The following ULK4 variants were observed in gnomAD, a reference collection of about 807,000 sequenced individuals.
ULK4 encodes inactive serine/threonine-protein kinase ULK4.
In ULK4, 133 loss-of-function variants were observed where a neutral mutation model predicts 160.6. The observed-to-expected ratio is 0.83, with a 90% CI of 0.72 to 0.96. The LOEUF (loss-of-function observed/expected upper bound fraction) is 0.96, where lower values mean the gene tolerates loss of function less well. ULK4 is among the 40% of genes least tolerant of loss of function. The probability of loss-of-function intolerance (pLI) is 0.00; values close to 1 mark genes in which losing one functional copy is unlikely to be tolerated. For missense variants in ULK4, 1,580 were observed against 1,499.5 expected, an observed-to-expected ratio of 1.05 and a Z score of -0.89; for synonymous variants, 534 against 539.8, an observed-to-expected ratio of 0.99 and a Z score of 0.15.
intron 17 of ULK4, among the ~76,000 whole-genome samples, chr3:41,850,755 G>C (rs571133890): frequency 6.6e-6 from 1 of 152,244 alleles, no homozygotes; most frequent in Non-Finnish European, 1.5e-5. Flanking sequence ...CCATTCTGTA[G>C]GTTGCCTGTT....
chr3:41,961,550 A>ACCC lies in ULK4; in HGVS notation c.-49+463_-49+465dup, dbSNP rs201424516. Among the ~76,000 whole-genome samples the ACCC allele has an allele frequency of 1.9e-3, 241 of 124,436 alleles. 40 individuals carry two copies. The highest frequency in any genetic ancestry group is 9.8e-3 in the African/African-American group (228 of 23,282). The allele number at this position is 124,436 out of a possible 152,430, so 81.6% of individuals were successfully genotyped here. A position where few individuals can be genotyped will look rare whatever the true frequency, so the allele number is the denominator to read the frequency against. On this transcript the variant is annotated intron_variant, in intron 1 of 36. Coordinates refer to ENST00000301831, the MANE Select transcript of ULK4 (RefSeq NM_017886.4). ...ACTCAGGGGCGCTACGTAGTCACTCACCCCCCCCCCCCCCCCCCCCGCTCC... is the reference window on the plus strand; with the variant it reads ...ACTCAGGGGCGCTACGTAGTCACTCACCCCCCCCCCCCCCCCCCCCCCCGCTCC...
At position 41,961,550 on chromosome 3, in the gene ULK4, A is replaced by ACCCCTC. The variant is rs57463009; in HGVS notation, c.-49+465_-49+466insGAGGGG. On this transcript the variant is annotated intron_variant, in intron 1 of 36. Transcript: ENST00000301831. ...ACTCAGGGGCGCTACGTAGTCACTCACCCCCCCCCCCCCCCCCCCCGCTCC... is the reference window on the plus strand; with the variant it reads ...ACTCAGGGGCGCTACGTAGTCACTCACCCCTCCCCCCCCCCCCCCCCCCCCCGCTCC... Among the ~76,000 whole-genome samples, 141 of 124,494 alleles carry ACCCCTC rather than the reference A, an allele frequency of 1.1e-3. 7 individuals carry two copies. Among genetic ancestry groups the ACCCCTC allele is most frequent in the Non-Finnish European group, 1.5e-3 (97 of 63,582 alleles). The allele number at this position is 124,494 out of a possible 152,430, so 81.7% of individuals were successfully genotyped here. A position where few individuals can be genotyped will look rare whatever the true frequency, so the allele number is the denominator to read the frequency against.
At chr3:41,746,203 G>A (rs1315344139) in intron 22 of ULK4, among the ~76,000 whole-genome samples, 3 of 111,192 alleles carry the variant, frequency 2.7e-5, no homozygotes, top group Non-Finnish European at 3.6e-5. Flanking sequence ...AAACAAGAGA[G>A]AAGAAAAATA....
intron 27 of ULK4, among the ~76,000 whole-genome samples, chr3:41,704,121 G>C (rs17060668): frequency 1.3e-5 from 2 of 152,084 alleles, no homozygotes; most frequent in Non-Finnish European, 2.9e-5. Context: ...TTAGTTGTTG[G>C]AAATTTGAAA....
intron 35 of ULK4, among the ~76,000 whole-genome samples, chr3:41,329,802 G>A (rs1338401753): frequency 2.6e-5 from 4 of 152,050 alleles, no homozygotes; most frequent in African/African-American, 9.7e-5. Flanking sequence ...ATATCTTAGA[G>A]ATTTTTAATC....
chr3:41,894,453 C>T (rs1698083645), intron 16 of ULK4, among the ~76,000 whole-genome samples: 1 of 152,150 alleles, frequency 6.6e-6, no homozygotes, highest in Admixed American at 6.5e-5. Context: ...TAATTATTAT[C>T]ATACCAGTGC....
chr3:41,428,495 C>T (rs892529811), intron 34 of ULK4, among the ~76,000 whole-genome samples: 9 of 152,000 alleles, frequency 5.9e-5, no homozygotes, highest in African/African-American at 1.4e-4. Flanking sequence ...AAGCTGGAGG[C>T]ATCACGCTAC....
intron 21 of ULK4, among the ~76,000 whole-genome samples, chr3:41,775,874 G>A (rs1456041483): frequency 1.3e-5 from 2 of 150,668 alleles, no homozygotes; most frequent in African/African-American, 2.5e-5. Flanking sequence ...TCTAATTGCT[G>A]TATAATATTC....
chr3:41,900,111 G>T (rs1698298009), intron 13 of ULK4, among the ~76,000 whole-genome samples: 1 of 152,104 alleles, frequency 6.6e-6, no homozygotes. Context: ...TTTTAAAGTA[G>T]ATACTCATTA....
At chr3:41,409,011 C>T (rs1586456) in intron 34 of ULK4, among the ~76,000 whole-genome samples, 87,222 of 151,880 alleles carry the variant, frequency 0.57, 26,587 homozygotes, top group African/African-American at 0.81. Context: ...GTCCCAGCAC[C>T]TTGGGAGGCA....
chr3:41,722,344 A>G (rs2037500278), intron 22 of ULK4, among the ~76,000 whole-genome samples: 1 of 152,096 alleles, frequency 6.6e-6, no homozygotes, highest in Non-Finnish European at 1.5e-5. Context: ...AAAATGAAAG[A>G]CAGACCGGGC....
intron 22 of ULK4, among the ~76,000 whole-genome samples, chr3:41,735,751 GGTTT>G (rs1397169889): frequency 1.3e-5 from 2 of 150,102 alleles, no homozygotes; most frequent in East Asian, 3.9e-4. Flanking sequence ...ACAATGTGCA[GGTTT>G]GTTACATATG....
At position 41,771,821 on chromosome 3, in the gene ULK4, GA is replaced by G. The variant is rs1378213318; in HGVS notation, c.2194-17334del. Among the ~76,000 whole-genome samples the G allele has an allele frequency of 2.0e-5, 3 of 152,150 alleles. No individual in the cohort carries two copies. The East Asian group carries it at 5.8e-4, about 29-fold the overall frequency. On this transcript the variant is annotated intron_variant, in intron 21 of 36. Transcript: ENST00000301831. The stretch of plus-strand genomic sequence containing the variant: ...TACCAATCCTTTTATTTAAATTATG[GA>G]ATGTTTCAAACATACAATAGAGTGA...
chr3:41,780,481 C>A lies in ULK4; in HGVS notation c.2193+9180G>T, dbSNP rs368031914. ...CAACGAAGCACACAGATTCAAGAGA[C>A]TACCCAAGATCACATTTTCTGTCAG... On this transcript the variant is annotated intron_variant, in intron 21 of 36. Transcript: ENST00000301831. Among the ~76,000 whole-genome samples, 68 of 152,224 alleles carry A rather than the reference C, an allele frequency of 4.5e-4. No homozygotes were observed. In the South Asian group the frequency reaches 0.011, roughly 25 times the overall value.
At chr3:41,546,373 T>A (rs2086863757) in intron 32 of ULK4, among the ~76,000 whole-genome samples, 1 of 152,192 alleles carries the variant, frequency 6.6e-6, no homozygotes, top group Non-Finnish European at 1.5e-5. Flanking sequence ...ACCCATATTC[T>A]AAAGCAGGTC....
At chr3:41,374,872 GTATATTTAGAAAACT>G (rs2081448638) in intron 35 of ULK4, among the ~76,000 whole-genome samples, 2 of 152,202 alleles carry the variant, frequency 1.3e-5, no homozygotes, top group Non-Finnish European at 2.9e-5. Context: ...TGACATGACT[GTATATTTAGAAAACT>G]TCATCGTCTC....
At chr3:41,822,030 T>A (rs993820258) in intron 18 of ULK4, among the ~76,000 whole-genome samples, 2 of 152,150 alleles carry the variant, frequency 1.3e-5, no homozygotes, top group African/African-American at 2.4e-5. Flanking sequence ...GCTCTCAGAA[T>A]CCTGTTTTCA....
chr3:41,770,812 C>G (rs2039331108), intron 21 of ULK4, among the ~76,000 whole-genome samples: 1 of 152,144 alleles, frequency 6.6e-6, no homozygotes, highest in Admixed American at 6.5e-5. Flanking sequence ...GATGCCCAGC[C>G]AGAATGATAC....
At chr3:41,343,425 C>G (rs2080730400) in intron 35 of ULK4, among the ~76,000 whole-genome samples, 1 of 148,826 alleles carries the variant, frequency 6.7e-6, no homozygotes, top group Admixed American at 6.9e-5. Context: ...CTGCCTCAGT[C>G]TCCTGGGTAG....
Sources: gnomAD v4.1 joint callset for allele counts (sites outside exome capture counted in the v4.1 genomes callset) on GRCh38, gnomAD v4.1.1 for gene constraint, MANE v1.5 for transcripts, NCBI Gene and HGNC (gene_info 2026-07-23, HGNC 2026-07-21) for gene names.